The following HMCN2 variants were observed in gnomAD, a reference collection of about 807,000 sequenced individuals.
HMCN2 encodes the protein hemicentin 2, also known as hemicentin-2.
Under a neutral mutation model 377.5 loss-of-function variants are expected in HMCN2, and 325 were observed. That is an observed-to-expected ratio of 0.86 (90% CI 0.79 to 0.94). The LOEUF (loss-of-function observed/expected upper bound fraction) is 0.94. Among genes scored for constraint, HMCN2 ranks in the 40% least tolerant of loss-of-function variants. The probability of loss-of-function intolerance (pLI) is 0.00; values close to 1 mark genes in which losing one functional copy is unlikely to be tolerated. For missense variants in HMCN2, 4,543 were observed against 4,725.3 expected (o/e 0.96, Z 1.13); for synonymous variants, 2,007 against 2,046.8 (o/e 0.98, Z 0.53).
rs1554936626 is a variant in HMCN2 at position 130,306,166 on chromosome 9, C to A, written c.1854C>A (p.His618Gln). The A allele has an allele frequency of 2.1e-6, 1 of 471,156 alleles. No individual in the cohort carries two copies. Among genetic ancestry groups the A allele is most frequent in the Non-Finnish European group, 4.4e-6 (1 of 227,044 alleles). The allele number at this position is 471,156 out of a possible 1,614,324, so 29.2% of individuals were successfully genotyped here. ...TCAGCATCCACACCAGCTCCCAGCACTTCTCCCAAGGTGTGGAGGTGAAGG... is the reference window on the plus strand; with the variant it reads ...TCAGCATCCACACCAGCTCCCAGCAATTCTCCCAAGGTGTGGAGGTGAAGG... ...PQVSIHTSSQ[H>Q]FSQGVEVKVS... Residue 618 changes from histidine to glutamine, a missense_variant, in exon 12 of 98, where the codon CAC (histidine) becomes CAA (glutamine). This residue lies in a region of HMCN2 where 547 missense variants were observed against 189.9 expected (regional missense o/e 2.88). Transcript: ENST00000683500.
intron 4 of HMCN2, among the ~76,000 whole-genome samples, chr9:130,290,527 G>A (rs925338611): frequency 2.0e-5 from 3 of 152,194 alleles, no homozygotes; most frequent in Non-Finnish European, 4.4e-5. Context: ...GGCCTGGCCC[G>A]GGGGAAGGGG....
rs1020152644 is a variant in HMCN2 at position 130,351,495 on chromosome 9, C to T, written c.4503C>T (p.His1501=). The part of the protein sequence containing the change: ...DGQVLRITGS[H]VGDEGRYQCV... ...AGGTTCTCAGGATCACCGGCAGTCA[C>T]GTGGGGGATGAGGGACGATACCAGT... The change falls in exon 30 of 98, where the codon CAC becomes CAT. Residue 1501 remains histidine, a synonymous_variant. Transcript: ENST00000683500. The surrounding 1 kb of genome is among the most constrained non-coding windows in gnomAD (Gnocchi z 5.4). The T allele has an allele frequency of 2.7e-5, 35 of 1,304,278 alleles. No homozygotes were observed. Among genetic ancestry groups the T allele is most frequent in the South Asian group, 4.9e-5 (4 of 81,024 alleles). The allele number at this position is 1,304,278 out of a possible 1,614,324, so 80.8% of individuals were successfully genotyped here.
intron 71 of HMCN2, 66 bp downstream of exon 71, chr9:130,395,413 C>A: frequency 8.3e-7 from 1 of 1,206,816 alleles, no homozygotes; most frequent in Non-Finnish European, 1.1e-6. Context: ...CCTGACCTGG[C>A]CGGATCCAAG....
intron 31 of HMCN2, 47 bp downstream of exon 31, chr9:130,353,252 C>T: frequency 7.8e-7 from 1 of 1,287,108 alleles, no homozygotes; most frequent in Non-Finnish European, 1.0e-6. Flanking sequence ...GTGGGAGGGA[C>T]TCAGCCATGG....
At chr9:130,430,744 G>T in intron 95 of HMCN2, 140 bp downstream of exon 95, 1 of 771,812 alleles carries the variant, frequency 1.3e-6, no homozygotes, top group Non-Finnish European at 2.0e-6. Context: ...GGTGGATGGT[G>T]GCTTCTCCAA....
At chr9:130,291,971 G>T (rs1375134444) in intron 4 of HMCN2, among the ~76,000 whole-genome samples, 1 of 149,318 alleles carries the variant, frequency 6.7e-6, no homozygotes, top group Admixed American at 6.7e-5. Context: ...TTTGTACCCT[G>T]TCCCATGTTC....
intron 77 of HMCN2, 119 bp downstream of exon 77, chr9:130,401,066 C>G: frequency 1.1e-6 from 1 of 904,360 alleles, no homozygotes; most frequent in South Asian, 1.7e-5. Context: ...ACTGCCTCTC[C>G]TGGCTGTGTG....
intron 31 of HMCN2, 51 bp downstream of exon 31, chr9:130,353,256 G>A (rs1839833880): frequency 1.6e-6 from 2 of 1,279,496 alleles, no homozygotes; most frequent in Non-Finnish European, 2.1e-6. Flanking sequence ...GAGGGACTCA[G>A]CCATGGTGGC....
In HMCN2 at chr9:130,422,672, C is replaced by A; in HGVS notation, c.13327C>A (p.His4443Asn). The A allele has an allele frequency of 7.6e-7, 1 of 1,313,178 alleles. No homozygotes were observed. The highest frequency in any genetic ancestry group is 9.8e-7 in the Non-Finnish European group (1 of 1,023,370). The allele number at this position is 1,313,178 out of a possible 1,614,324, so 81.3% of individuals were successfully genotyped here. ...CAACACCAGCGTGATGCAGGAGGCA[C>A]ACTCCGGGGTCAGCAGCATCCACAG... ...TLNTSVMQEAHSGVSSIHSSI... is the reference protein window; with the variant it reads ...TLNTSVMQEANSGVSSIHSSI... Residue 4443 changes from histidine (H) to asparagine (N), a missense_variant, in exon 87 of 98, where the codon CAC (histidine) becomes AAC (asparagine). Physicochemically the swap from His to Asn is moderately conservative, Grantham distance 68. Around this residue, in one of 5 missense-constraint regions of HMCN2, gnomAD observed 1,155 missense variants for 1,157.7 expected, o/e 1.00. Transcript: ENST00000683500. The surrounding 1 kb of genome is among the most constrained non-coding windows in gnomAD (Gnocchi z 4.2).
At position 130,400,876 on chromosome 9, in the gene HMCN2, CGA is replaced by C; in HGVS notation, c.11700_11701del (p.Thr3901ArgfsTer133). The C allele has an allele frequency of 7.8e-7, 1 of 1,289,554 alleles. No homozygotes were observed. Among genetic ancestry groups the C allele is most frequent in the Non-Finnish European group, 1.0e-6 (1 of 988,736 alleles). 79.9% of individuals were successfully genotyped at this position (1,289,554 alleles called of 1,614,324 possible). ...TGTCACAGCACGGGTATACCAGCTC[CGA>C]CCGTGTCCTGGAGCAAGGCAGGCGC... On this transcript the variant is annotated frameshift_variant, in exon 77 of 98. Coordinates refer to ENST00000683500, the MANE Select transcript of HMCN2 (RefSeq NM_001291815.2). LOFTEE classifies it high-confidence loss of function.
rs561983879 is a variant in HMCN2, at chr9:130,277,889, T to C, written c.260-6714T>C. Among the ~76,000 whole-genome samples the C allele has an allele frequency of 6.2e-4, 15 of 24,244 alleles. 4 individuals are homozygous for C. Among genetic ancestry groups the C allele is most frequent in the African/African-American group, 2.1e-3 (11 of 5,224 alleles). The allele number at this position is 24,244 out of a possible 152,430, so 15.9% of individuals were successfully genotyped here. A position where few individuals can be genotyped will look rare whatever the true frequency, so the allele number is the denominator to read the frequency against. The stretch of plus-strand genomic sequence containing the variant: ...ATCATCATCACCACCACCATCATCA[T>C]CACCACCACCATCATCATCACCACC... On this transcript the variant is annotated intron_variant, in intron 1 of 97. Coordinates refer to ENST00000683500, the MANE Select transcript of HMCN2 (RefSeq NM_001291815.2).
At chr9:130,281,402 C>T (rs1554925626) in intron 1 of HMCN2, among the ~76,000 whole-genome samples, 1 of 152,088 alleles carries the variant, frequency 6.6e-6, no homozygotes, top group East Asian at 1.9e-4. Flanking sequence ...TTGAGATCAG[C>T]CTGGCCAACA....
chr9:130,406,024 C>A lies in HMCN2; in HGVS notation c.12409C>A (p.Leu4137Ile), dbSNP rs1456951891. The stretch of plus-strand genomic sequence containing the variant: ...GGGCCGGGCCCGCCGCCGCGTGCAC[C>A]TCACCATCCTGGTACTGCCTGTGTT... ...AVGRARRRVH[L>I]TILVLPVFTT... is the part of the protein sequence containing the mutation. Residue 4137 changes from leucine to isoleucine, a missense_variant, in exon 82 of 98, where the codon CTC becomes ATC. This residue lies in a region of HMCN2 where 1,073 missense variants were observed against 1,319.5 expected (regional missense o/e 0.81). Transcript: ENST00000683500. 2 of 1,289,846 alleles carry A rather than the reference C, an allele frequency of 1.6e-6. No individual in the cohort carries two copies. Among genetic ancestry groups the A allele is most frequent in the Admixed American group, 4.6e-5 (2 of 43,578 alleles). The allele number at this position is 1,289,846 out of a possible 1,614,324, so 79.9% of individuals were successfully genotyped here.
chr9:130,300,457 C>G (rs1588200771), intron 8 of HMCN2, among the ~76,000 whole-genome samples: 2 of 152,352 alleles, frequency 1.3e-5, no homozygotes, highest in Admixed American at 1.3e-4. Context: ...TTCCATGGGG[C>G]AGTCCTGGGC....
chr9:130,396,142 C>G (rs1842599158), intron 72 of HMCN2, 27 bp from the exon 73 acceptor site: 2 of 1,259,520 alleles, frequency 1.6e-6, no homozygotes, highest in Non-Finnish European at 2.1e-6. Context: ...CAGCTCCCAG[C>G]ACCACTCCCT....
At position 130,300,811 on chromosome 9, in the gene HMCN2, A is replaced by G. The variant is rs533078203; in HGVS notation, c.1276+1523A>G. On this transcript the variant is annotated intron_variant, in intron 8 of 97. Coordinates refer to ENST00000683500, the MANE Select transcript of HMCN2 (RefSeq NM_001291815.2). ...CTGAGGTCTCACCGTTCAGGCTGGA[A>G]GCTCCCAGGGAGAAGGGTGGATCTT... Among the ~76,000 whole-genome samples the G allele has an allele frequency of 5.9e-5, 9 of 152,268 alleles. No homozygotes were observed. The South Asian group carries it at 1.7e-3, about 28-fold the overall frequency.
chr9:130,311,767 G>A (rs1436830741), intron 15 of HMCN2, among the ~76,000 whole-genome samples: 1 of 152,276 alleles, frequency 6.6e-6, no homozygotes, highest in Middle Eastern at 3.4e-3. Flanking sequence ...GGTGGGGAGG[G>A]GGCAGCAGGA....
intron 85 of HMCN2, among the ~76,000 whole-genome samples, chr9:130,417,839 C>T (rs545724858): frequency 5.3e-5 from 8 of 152,318 alleles, no homozygotes; most frequent in South Asian, 4.2e-4. Context: ...AGGCACACAG[C>T]GCCCCACCTT....
intron 85 of HMCN2, among the ~76,000 whole-genome samples, chr9:130,412,567 C>CTTTTTTTTT (rs55873444): frequency 8.2e-5 from 11 of 134,506 alleles, no homozygotes; most frequent in South Asian, 2.3e-4. Flanking sequence ...CTTTCTTTCT[C>CTTTTTTTTT]TTTTTTTTTT....
Sources: allele counts gnomAD v4.1 joint callset (sites outside exome capture counted in the v4.1 genomes callset), GRCh38; gene constraint gnomAD v4.1.1; regional missense constraint gnomAD v4.1.1; non-coding constraint Gnocchi (gnomAD v3.1); transcripts MANE v1.5; gene names NCBI Gene and HGNC (gene_info 2026-07-23, HGNC 2026-07-21).